PTPRD: variants seen among roughly 807,000 people sequenced by gnomAD.
The protein encoded by PTPRD is receptor-type tyrosine-protein phosphatase delta.
PTPRD carries 34 observed loss-of-function variants against 214.5 expected under a neutral mutation model. That is an observed-to-expected ratio of 0.16 (90% CI 0.12 to 0.21). The LOEUF (loss-of-function observed/expected upper bound fraction) is 0.21, where lower values mean the gene tolerates loss of function less well. Ranked by LOEUF, PTPRD falls within the 10% of genes least tolerant of loss-of-function variation. The pLI, the probability that PTPRD is intolerant of heterozygous loss-of-function variation, is 1.00. For synonymous variants in PTPRD, 1,128 were observed against 845.7 expected (o/e 1.33, Z -5.79); for missense variants, 2,545 against 2,398.7 (o/e 1.06, Z -1.27).
intron 9 of PTPRD, among the ~76,000 whole-genome samples, chr9:9,270,010 TATA>T (rs1942147089): frequency 6.6e-6 from 1 of 150,422 alleles, no homozygotes; most frequent in African/African-American, 2.4e-5. Flanking sequence ...TTTGTTACTA[TATA>T]ATATTACTAT....
chr9:8,919,886 A>G (rs200951917), intron 11 of PTPRD, among the ~76,000 whole-genome samples: 5 of 135,440 alleles, frequency 3.7e-5, no homozygotes, highest in Admixed American at 2.9e-4. Context: ...TATCATGCAT[A>G]CATAGATGTA....
chr9:9,100,473 T>C (rs1335048604), intron 10 of PTPRD, among the ~76,000 whole-genome samples: 6 of 152,168 alleles, frequency 3.9e-5, no homozygotes, highest in Admixed American at 3.3e-4. Flanking sequence ...CACCCCCACA[T>C]TTCTTCTTCT....
At chr9:8,678,191 T>G (rs2097473779) in intron 12 of PTPRD, among the ~76,000 whole-genome samples, 1 of 151,950 alleles carries the variant, frequency 6.6e-6, no homozygotes, top group South Asian at 2.1e-4. Flanking sequence ...GAAGGAGGAG[T>G]GAACAAGGTC....
At chr9:9,769,870 T>A (rs2098738163) in intron 5 of PTPRD, among the ~76,000 whole-genome samples, 1 of 152,148 alleles carries the variant, frequency 6.6e-6, no homozygotes, top group Non-Finnish European at 1.5e-5. Context: ...TCTGGTTTTC[T>A]GTTCCTGTAT....
chr9:10,271,493 T>G (rs1364208396), intron 3 of PTPRD, among the ~76,000 whole-genome samples: 1 of 151,250 alleles, frequency 6.6e-6, no homozygotes, highest in African/African-American at 2.4e-5. Flanking sequence ...TCTTATAAAT[T>G]AATAAGCATC....
chr9:9,162,546 T>C (rs920031717), intron 10 of PTPRD, among the ~76,000 whole-genome samples: 8 of 152,138 alleles, frequency 5.3e-5, no homozygotes, highest in African/African-American at 1.9e-4. Flanking sequence ...ATCTGCAGTC[T>C]GAAATCCTTC....
chr9:8,689,821 A>T (rs1325109874), intron 12 of PTPRD, among the ~76,000 whole-genome samples: 1 of 152,202 alleles, frequency 6.6e-6, no homozygotes, highest in Non-Finnish European at 1.5e-5. Context: ...AATATTTAAA[A>T]TTTGGGCCAG....
At chr9:9,938,059 G>A (rs2090189900) in intron 5 of PTPRD, among the ~76,000 whole-genome samples, 1 of 152,010 alleles carries the variant, frequency 6.6e-6, no homozygotes, top group South Asian at 2.1e-4. Context: ...GCCTAACTCT[G>A]GAAATGACAA....
In PTPRD at chr9:10,391,385, G is replaced by A. The variant is rs77531494; in HGVS notation, c.-599-50368C>T. Among the ~76,000 whole-genome samples the A allele has an allele frequency of 5.7e-3, 867 of 151,558 alleles. 8 individuals are homozygous for A. The highest frequency in any genetic ancestry group is 0.02 in the African/African-American group (822 of 41,406). ...GAGGGGCCTAATATAATGTTTTTCC[G>A]TTACATTCTTTATGCTCAACAGAAG... On this transcript the variant is annotated intron_variant, in intron 2 of 45. Transcript: ENST00000381196.
chr9:9,794,172 T>C (rs539630232), intron 5 of PTPRD, among the ~76,000 whole-genome samples: 5 of 149,162 alleles, frequency 3.4e-5, no homozygotes, highest in South Asian at 2.1e-4. Context: ...TATATATATA[T>C]ACATGTATAT....
intron 39 of PTPRD, among the ~76,000 whole-genome samples, chr9:8,352,532 C>T (rs1245104662): frequency 6.6e-6 from 1 of 152,116 alleles, no homozygotes; most frequent in African/African-American, 2.4e-5. Context: ...AGTAAAGCTG[C>T]GTGGGTTGTA....
chr9:9,199,226 G>A (rs2099940457), intron 9 of PTPRD, among the ~76,000 whole-genome samples: 1 of 152,142 alleles, frequency 6.6e-6, no homozygotes, highest in African/African-American at 2.4e-5. Context: ...ATTCCTTAAG[G>A]AAGGGCTCTA....
chr9:10,468,724 T>C (rs961761282), intron 2 of PTPRD, among the ~76,000 whole-genome samples: 2 of 152,122 alleles, frequency 1.3e-5, no homozygotes, highest in Admixed American at 6.6e-5. Flanking sequence ...GAGGATGTCT[T>C]TCCTCTCAAT....
chr9:8,445,650 T>C lies in PTPRD; in HGVS notation c.3988+4075A>G, dbSNP rs543349141. ...TGGGATCCTATCAGACTGTTTATCC[T>C]GAATCTAGTCCTATTCCTAGAAAAA... On this transcript the variant is annotated intron_variant, in intron 34 of 45. Transcript: ENST00000381196. 8.6e-4 allele frequency among the ~76,000 whole-genome samples: 131 copies of C among 152,332 alleles called. 3 individuals carry two copies. The South Asian group carries it at 0.025, about 29-fold the overall frequency.
intron 11 of PTPRD, among the ~76,000 whole-genome samples, chr9:8,769,480 C>G (rs2095031694): frequency 6.6e-6 from 1 of 152,184 alleles, no homozygotes; most frequent in African/African-American, 2.4e-5. Flanking sequence ...TTGGCCGAGG[C>G]AGTAGACAAC....
intron 9 of PTPRD, among the ~76,000 whole-genome samples, chr9:9,253,309 C>A (rs2099976239): frequency 6.6e-6 from 1 of 151,782 alleles, no homozygotes; most frequent in African/African-American, 2.4e-5. Context: ...ATTGATGAGG[C>A]CTGACTTTTT....
chr9:8,585,788 T>G (rs185004100), intron 14 of PTPRD, among the ~76,000 whole-genome samples: 1 of 152,210 alleles, frequency 6.6e-6, no homozygotes, highest in Admixed American at 6.5e-5. Flanking sequence ...CACTTCTGAT[T>G]TCTCTGCCTG....
At position 8,518,255 on chromosome 9, in the gene PTPRD, C is replaced by A. The variant is rs2138557572; in HGVS notation, c.1136G>T (p.Ser379Ile). Reference protein sequence around the residue: ...EIDGVATTRYSVAGLSPYSDY... With the variant: ...EIDGVATTRYIVAGLSPYSDY... ...CGAGTAGGGACTTAGTCCAGCGACA[C>A]TGTAGCGTGTGGTCGCCACCCCATC... is the stretch of plus-strand genomic sequence containing the variant. The change falls in exon 21 of 46, where the codon AGT (serine) becomes ATT (isoleucine). Residue 379 changes from serine to isoleucine, a missense_variant. Ser to Ile is a moderately radical substitution (Grantham distance 142). Transcript: ENST00000381196. The A allele has an allele frequency of 6.2e-7, 1 of 1,614,182 alleles. No homozygotes were observed. The highest frequency in any genetic ancestry group is 8.5e-7 in the Non-Finnish European group (1 of 1,180,022).
intron 11 of PTPRD, among the ~76,000 whole-genome samples, chr9:8,925,418 G>T (rs116152031): frequency 0.011 from 1,746 of 152,066 alleles, 49 homozygotes; most frequent in African/African-American, 0.04. Flanking sequence ...TCAAAAGCAA[G>T]TAAGTCACCT....
Sources: gnomAD v4.1 joint callset for allele counts (sites outside exome capture counted in the v4.1 genomes callset) on GRCh38, gnomAD v4.1.1 for gene constraint, MANE v1.5 for transcripts, NCBI Gene and HGNC (gene_info 2026-07-23, HGNC 2026-07-21) for gene names.